DDHD1: variants seen among roughly 807,000 people sequenced by gnomAD.
The protein encoded by DDHD1 is DDHD domain containing 1.
Under a neutral mutation model 96.4 loss-of-function variants are expected in DDHD1, and 49 were observed. The ratio of observed to expected loss-of-function variants is 0.51; its 90% CI spans 0.40 to 0.64. The LOEUF (loss-of-function observed/expected upper bound fraction) is 0.64, where lower values mean the gene tolerates loss of function less well. Among genes scored for constraint, DDHD1 ranks in the 30% least tolerant of loss-of-function variants. The pLI, the probability that DDHD1 is intolerant of heterozygous loss-of-function variation, is 0.00. For synonymous variants in DDHD1, 442 were observed against 446.5 expected, an observed-to-expected ratio of 0.99 and a Z score of 0.13; for missense variants, 1,106 against 1,161.2, an observed-to-expected ratio of 0.95 and a Z score of 0.69.
At chr14:53,122,130 G>A (rs1347316766) in intron 1 of DDHD1, among the ~76,000 whole-genome samples, 1 of 152,142 alleles carries the variant, frequency 6.6e-6, no homozygotes, top group South Asian at 2.1e-4. Flanking sequence ...TGGTTCCAGT[G>A]TGCTTACCTT....
rs1881632370 is a variant in DDHD1 at position 53,041,348 on chromosome 14, A to G, written c.*5420T>C. 1.3e-5 allele frequency: 2 copies of G among 152,212 alleles called. No individual in the cohort carries two copies. Among genetic ancestry groups the G allele is most frequent in the Non-Finnish European group, 2.9e-5 (2 of 68,046 alleles). 9.4% of individuals were successfully genotyped at this position (152,212 alleles called of 1,614,324 possible). Reference sequence around the variant, plus strand: ...CAAAGGCAGAGGAAAAGTTCACCCTAACAATCTGCCAATGGACTATTTTTG... The same window carrying G: ...CAAAGGCAGAGGAAAAGTTCACCCTGACAATCTGCCAATGGACTATTTTTG... On this transcript the variant is annotated 3_prime_UTR_variant, in exon 13 of 13. Transcript: ENST00000673822.
intron 1 of DDHD1, among the ~76,000 whole-genome samples, chr14:53,142,053 C>A (rs1890674802): frequency 6.6e-6 from 1 of 152,080 alleles, no homozygotes; most frequent in Admixed American, 6.5e-5. Context: ...TCAATTAAAT[C>A]TAAATAATAA....
At position 53,152,560 on chromosome 14, in the gene DDHD1, T is replaced by C; in HGVS notation, c.539A>G (p.Lys180Arg). 1 of 1,613,886 alleles carries C rather than the reference T, an allele frequency of 6.2e-7. No homozygotes were observed. The highest frequency in any genetic ancestry group is 8.5e-7 in the Non-Finnish European group (1 of 1,179,942). ...WFYKEDKKTW[K>R]PFIGYDSLRI... ...GAGCGAGTCGTAGCCGATGAAGGGC[T>C]TCCAGGTCTTCTTGTCCTCCTTGTA... Residue 180 changes from lysine to arginine, a missense_variant, in exon 1 of 13, where the codon AAG becomes AGG. Transcript: ENST00000673822.
At chr14:53,117,585 T>TG (rs1006851039) in intron 1 of DDHD1, among the ~76,000 whole-genome samples, 2 of 151,912 alleles carry the variant, frequency 1.3e-5, no homozygotes, top group African/African-American at 4.8e-5. Flanking sequence ...TGTAGCCTGG[T>TG]GGGGGAAAGG....
rs536867171 is a variant in DDHD1, at chr14:53,096,510, C to T, written c.1013-3066G>A. Among the ~76,000 whole-genome samples, 4 of 152,078 alleles carry T rather than the reference C, an allele frequency of 2.6e-5. 1 individual carries two copies. The South Asian group carries it at 8.3e-4, about 32-fold the overall frequency. Reference sequence around the variant, plus strand: ...AAAGAATTTTTAAAAAAGAACATAACATTTTCAAATGCCAAGAGATTTATA... The same window carrying T: ...AAAGAATTTTTAAAAAAGAACATAATATTTTCAAATGCCAAGAGATTTATA... On this transcript the variant is annotated intron_variant, in intron 2 of 12. Coordinates refer to ENST00000673822, the MANE Select transcript of DDHD1 (RefSeq NM_001160148.2).
Position 53,082,303 on chromosome 14 carries a change from A to G in DDHD1, c.1290-8456T>C, listed in dbSNP as rs529423023. The stretch of plus-strand genomic sequence containing the variant: ...GAGGATCATTAAATAGCTGTAAAAC[A>G]TAAGTCTTCATAATTCCTCTCAATT... On this transcript the variant is annotated intron_variant, in intron 4 of 12. Transcript: ENST00000673822. Among the ~76,000 whole-genome samples the G allele has an allele frequency of 8.5e-5, 13 of 152,342 alleles. No homozygotes were observed. In the East Asian group the frequency reaches 1.7e-3, roughly 20 times the overall value.
chr14:53,102,843 G>A (rs1887409424), intron 2 of DDHD1, among the ~76,000 whole-genome samples: 1 of 151,464 alleles, frequency 6.6e-6, no homozygotes, highest in African/African-American at 2.4e-5. Flanking sequence ...TCAATATTGA[G>A]TTTTTCTGCT....
intron 1 of DDHD1, among the ~76,000 whole-genome samples, chr14:53,121,580 A>C (rs1460318136): frequency 6.6e-6 from 1 of 152,164 alleles, no homozygotes; most frequent in Non-Finnish European, 1.5e-5. Flanking sequence ...GCACATATAC[A>C]CCATGGAATA....
At chr14:53,088,345 G>A (rs775293166) in intron 4 of DDHD1, among the ~76,000 whole-genome samples, 6 of 151,978 alleles carry the variant, frequency 3.9e-5, no homozygotes, top group Non-Finnish European at 8.8e-5. Flanking sequence ...CTGATACCAA[G>A]GCCTGGCAGA....
intron 1 of DDHD1, among the ~76,000 whole-genome samples, chr14:53,108,105 C>T (rs1253356729): frequency 2.0e-5 from 3 of 152,272 alleles, no homozygotes; most frequent in South Asian, 2.1e-4. Context: ...TGTTACGGCT[C>T]GAGCTGAGCT....
At chr14:53,097,025 C>T (rs1595169434) in intron 2 of DDHD1, among the ~76,000 whole-genome samples, 1 of 151,878 alleles carries the variant, frequency 6.6e-6, no homozygotes, top group Non-Finnish European at 1.5e-5. Flanking sequence ...ATATAAATTT[C>T]TTTATATTTT....
chr14:53,130,195 T>A (rs1265230331), intron 1 of DDHD1, among the ~76,000 whole-genome samples: 1 of 152,094 alleles, frequency 6.6e-6, no homozygotes, highest in Non-Finnish European at 1.5e-5. Context: ...TCACACCCGG[T>A]CTAGATTACA....
intron 1 of DDHD1, among the ~76,000 whole-genome samples, chr14:53,124,603 T>C (rs1343301503): frequency 6.6e-6 from 1 of 152,182 alleles, no homozygotes; most frequent in Non-Finnish European, 1.5e-5. Flanking sequence ...TCAATAGTAT[T>C]TACAAACCAC....
chr14:53,036,931 C>T lies in DDHD1; in HGVS notation c.*9837G>A, dbSNP rs915383760. On this transcript the variant is annotated 3_prime_UTR_variant, in exon 13 of 13. Coordinates refer to ENST00000673822, the MANE Select transcript of DDHD1 (RefSeq NM_001160148.2). ...TAGTTTTTCAACCTATCCTTCTGCCCTCCTCACCCACAGTGTTCCAGTCTG... is the reference window on the plus strand; with the variant it reads ...TAGTTTTTCAACCTATCCTTCTGCCTTCCTCACCCACAGTGTTCCAGTCTG... 6.6e-6 allele frequency: 1 copy of T among 152,094 alleles called. No individual in the cohort carries two copies. The highest frequency in any genetic ancestry group is 2.4e-5 in the African/African-American group (1 of 41,396). 9.4% of individuals were successfully genotyped at this position (152,094 alleles called of 1,614,324 possible).
At chr14:53,139,846 A>C (rs867968675) in intron 1 of DDHD1, among the ~76,000 whole-genome samples, 214 of 76,342 alleles carry the variant, frequency 2.8e-3, no homozygotes, top group African/African-American at 0.01. Flanking sequence ...GAGACCACAA[A>C]AAAAAAAAAA....
chr14:53,132,785 C>T (rs1027472368), intron 1 of DDHD1, among the ~76,000 whole-genome samples: 4 of 152,212 alleles, frequency 2.6e-5, no homozygotes, highest in Non-Finnish European at 4.4e-5. Context: ...TCATTCACTG[C>T]AAGGGCCATC....
intron 6 of DDHD1, among the ~76,000 whole-genome samples, chr14:53,067,583 A>G (rs1300212791): frequency 6.6e-6 from 1 of 151,698 alleles, no homozygotes; most frequent in East Asian, 1.9e-4. Context: ...TCAGCCTCCC[A>G]AGTAGCTGGG....
chr14:53,054,486 C>T lies in DDHD1; in HGVS notation c.2389G>A (p.Gly797Arg). Reference sequence around the variant, plus strand: ...CTGCTATGTGGAAGGGTCTGTGTCCCTACGGTGGTAGCAGAAGGTGAGGCA... The same window carrying T: ...CTGCTATGTGGAAGGGTCTGTGTCCTTACGGTGGTAGCAGAAGGTGAGGCA... Reference protein sequence around the residue: ...PVASPSATTVGTQTLPHSSSG... With the variant: ...PVASPSATTVRTQTLPHSSSG... The change falls in exon 11 of 13, where the codon GGG becomes AGG. Residue 797 changes from glycine (G) to arginine (R), a missense_variant. Transcript: ENST00000673822. 1 of 1,614,102 alleles carries T rather than the reference C, an allele frequency of 6.2e-7. No homozygotes were observed.
At chr14:53,081,059 A>G (rs1885430238) in intron 4 of DDHD1, among the ~76,000 whole-genome samples, 1 of 152,156 alleles carries the variant, frequency 6.6e-6, no homozygotes, top group African/African-American at 2.4e-5. Context: ...CATTATAATT[A>G]TGTTTATTGA....
Sources: allele counts gnomAD v4.1 joint callset (sites outside exome capture counted in the v4.1 genomes callset), GRCh38; gene constraint gnomAD v4.1.1; transcripts MANE v1.5; gene names NCBI Gene and HGNC (gene_info 2026-07-23, HGNC 2026-07-21).